The following TENT4B variants were observed in gnomAD, a reference collection of about 807,000 sequenced individuals.
TENT4B encodes PAP associated domain containing 5.
TENT4B carries 10 observed loss-of-function variants against 75.0 expected under a neutral mutation model. The observed-to-expected ratio is 0.13, with a 90% CI of 0.08 to 0.23. TENT4B has a LOEUF of 0.23. Ranked by LOEUF, TENT4B falls within the 10% of genes least tolerant of loss-of-function variation. The pLI, the probability that TENT4B is intolerant of heterozygous loss-of-function variation, is 1.00. For synonymous variants in TENT4B, 350 were observed against 357.7 expected, an observed-to-expected ratio of 0.98 and a Z score of 0.24; for missense variants, 579 against 893.8, an observed-to-expected ratio of 0.65 and a Z score of 4.49.
intron 5 of TENT4B, among the ~76,000 whole-genome samples, chr16:50,221,249 GA>G (rs1174798871): frequency 1.3e-5 from 2 of 151,828 alleles, no homozygotes; most frequent in African/African-American, 4.8e-5. Context: ...GAATGAGGGG[GA>G]AAAAAATGGA....
At chr16:50,229,036 G>T (rs1322914276) in intron 11 of TENT4B, 116 bp from the exon 12 acceptor site, 12 of 1,511,090 alleles carry the variant, frequency 7.9e-6, no homozygotes, top group Non-Finnish European at 9.7e-6. Context: ...GATCAGTAAG[G>T]TAACAATCTA....
At position 50,224,645 on chromosome 16, in the gene TENT4B, T is replaced by C; in HGVS notation, c.1382-12T>C. On this transcript the variant is annotated splice_polypyrimidine_tract_variant and intron_variant, in intron 7 of 11. Coordinates refer to ENST00000561678, the MANE Select transcript of TENT4B (RefSeq NM_001365324.3). ...AGTCAGGCTTACTATGTTACGTATA[T>C]TTCTTTTAAAGGTAACGATGTTGGA... 1.2e-6 allele frequency: 2 copies of C among 1,613,852 alleles called. No individual in the cohort carries two copies.
At chr16:50,210,566 C>A (rs2031226642) in intron 1 of TENT4B, among the ~76,000 whole-genome samples, 1 of 152,230 alleles carries the variant, frequency 6.6e-6, no homozygotes, top group African/African-American at 2.4e-5. Context: ...CTTTGCTGGT[C>A]CATTGTTTCC....
chr16:50,186,093 C>G (rs371245184), intron 1 of TENT4B, among the ~76,000 whole-genome samples: 1 of 152,074 alleles, frequency 6.6e-6, no homozygotes, highest in Non-Finnish European at 1.5e-5. Flanking sequence ...TTTAAGTTTA[C>G]AAGTCAGTGG....
At chr16:50,194,530 CTTTCTTTTTCTTTT>C (rs1296002389) in intron 1 of TENT4B, among the ~76,000 whole-genome samples, 40 of 150,972 alleles carry the variant, frequency 2.6e-4, no homozygotes, top group Admixed American at 7.3e-4. Context: ...TTCTTTCTTT[CTTTCTTTTTCTTTT>C]TTTCAGGTTC....
intron 1 of TENT4B, among the ~76,000 whole-genome samples, chr16:50,179,420 T>C (rs1418031303): frequency 6.6e-6 from 1 of 152,218 alleles, no homozygotes; most frequent in East Asian, 1.9e-4. Context: ...TTGGGGCTTA[T>C]GTGACCAGTT....
chr16:50,163,457 G>A (rs1363107174), intron 1 of TENT4B, among the ~76,000 whole-genome samples: 3 of 136,998 alleles, frequency 2.2e-5, no homozygotes, highest in East Asian at 4.3e-4. Context: ...TCGCTCTGTC[G>A]CCCACCATCT....
In TENT4B at chr16:50,230,868, A is replaced by G. The variant is rs2150755359; in HGVS notation, c.*1540A>G. On this transcript the variant is annotated 3_prime_UTR_variant, in exon 12 of 12. Transcript: ENST00000561678. ...GTGAAAGCTCTTATGTTTAGCATCA[A>G]TGTGTATGGCTCTGTTAAATGCAGC... 4.1e-6 allele frequency: 4 copies of G among 985,604 alleles called. No individual in the cohort carries two copies. Among genetic ancestry groups the G allele is most frequent in the South Asian group, 4.7e-5 (1 of 21,278 alleles). 61.1% of individuals were successfully genotyped at this position (985,604 alleles called of 1,614,324 possible).
chr16:50,161,015 T>A (rs1347998067), intron 1 of TENT4B, among the ~76,000 whole-genome samples: 17 of 152,190 alleles, frequency 1.1e-4, no homozygotes, highest in Admixed American at 1.1e-3. Context: ...TGCTGTTTCC[T>A]ACAGAGCTGA....
chr16:50,196,720 AGTTTGAGACCAGCCTGG>A (rs1259563952), intron 1 of TENT4B, among the ~76,000 whole-genome samples: 3 of 151,624 alleles, frequency 2.0e-5, no homozygotes, highest in Admixed American at 6.6e-5. Flanking sequence ...TTGAGCCAGG[AGTTTGAGACCAGCCTGG>A]GCAACATGGT....
intron 3 of TENT4B, 110 bp from the exon 4 acceptor site, chr16:50,215,965 A>G (rs2031530909): frequency 3.0e-6 from 4 of 1,334,184 alleles, no homozygotes; most frequent in Non-Finnish European, 4.2e-6. Context: ...TTCGTTGGCC[A>G]GGGTGGGAAA....
chr16:50,154,066 G>A lies in TENT4B; in HGVS notation c.445G>A (p.Asp149Asn). 3.3e-6 allele frequency: 5 copies of A among 1,531,756 alleles called. No homozygotes were observed. The highest frequency in any genetic ancestry group is 4.4e-6 in the Non-Finnish European group (5 of 1,145,170). 94.9% of individuals were successfully genotyped at this position (1,531,756 alleles called of 1,614,324 possible). The change falls in exon 1 of 12, where the codon GAT becomes AAT. Residue 149 changes from aspartate to asparagine, a missense_variant. Transcript: ENST00000561678. ...PHPSAAVPAA[D>N]PADSASGSSN... ...CCCTTCGGCCGCCGTCCCCGCCGCC[G>A]ATCCAGCCGATTCGGCCTCGGGCAG...
chr16:50,183,306 A>G (rs2038459183), intron 1 of TENT4B, among the ~76,000 whole-genome samples: 1 of 151,668 alleles, frequency 6.6e-6, no homozygotes. Context: ...AGCCTCCCAA[A>G]GTGCTGGGAT....
intron 1 of TENT4B, among the ~76,000 whole-genome samples, chr16:50,204,331 A>G (rs1361475399): frequency 6.6e-6 from 1 of 152,154 alleles, no homozygotes; most frequent in African/African-American, 2.4e-5. Flanking sequence ...GGTTTTGGGA[A>G]CAAGGATTTG....
chr16:50,161,829 A>G (rs988588060), intron 1 of TENT4B, among the ~76,000 whole-genome samples: 1 of 152,142 alleles, frequency 6.6e-6, no homozygotes, highest in Non-Finnish European at 1.5e-5. Flanking sequence ...CCAGTTTCAC[A>G]TGTATTTGTG....
At chr16:50,185,428 G>A (rs866257216) in intron 1 of TENT4B, among the ~76,000 whole-genome samples, 6 of 152,256 alleles carry the variant, frequency 3.9e-5, no homozygotes, top group Middle Eastern at 3.4e-3. Context: ...ACTGTTCATG[G>A]CATCTTAGAT....
intron 3 of TENT4B, among the ~76,000 whole-genome samples, chr16:50,215,381 TA>T (rs2031497258): frequency 6.6e-6 from 1 of 152,210 alleles, no homozygotes; most frequent in African/African-American, 2.4e-5. Flanking sequence ...GCAAAAGTCA[TA>T]AAATACTCAA....
At chr16:50,227,744 C>T in intron 10 of TENT4B, 95 bp from the exon 11 acceptor site, 1 of 1,353,584 alleles carries the variant, frequency 7.4e-7, no homozygotes, top group Non-Finnish European at 1.0e-6. Flanking sequence ...TAAATTTAGT[C>T]CAGAGAGTAC....
chr16:50,214,172 A>G (rs1244788177), intron 2 of TENT4B, 49 bp from the exon 3 acceptor site: 5 of 1,398,194 alleles, frequency 3.6e-6, no homozygotes, highest in East Asian at 2.3e-5. Flanking sequence ...TCAATATGAT[A>G]ACAACTTCTG....
Sources: gnomAD v4.1 joint callset for allele counts (sites outside exome capture counted in the v4.1 genomes callset) on GRCh38, gnomAD v4.1.1 for gene constraint, MANE v1.5 for transcripts, NCBI Gene and HGNC (gene_info 2026-07-23, HGNC 2026-07-21) for gene names.